USP6NL: variants seen among roughly 807,000 people sequenced by gnomAD.
The protein encoded by USP6NL is USP6 N-terminal-like protein.
USP6NL carries 26 observed loss-of-function variants against 61.9 expected under a neutral mutation model. That is an observed-to-expected ratio of 0.42 (90% CI 0.31 to 0.58). USP6NL has a LOEUF of 0.58. Among genes scored for constraint, USP6NL ranks in the 20% least tolerant of loss-of-function variants. The probability of loss-of-function intolerance (pLI) is 0.16; values close to 1 mark genes in which losing one functional copy is unlikely to be tolerated. For missense variants in USP6NL, 1,114 were observed against 1,034.3 expected, an observed-to-expected ratio of 1.08 and a Z score of -1.06; for synonymous variants, 432 against 390.1, an observed-to-expected ratio of 1.11 and a Z score of -1.27.
At position 11,510,873 on chromosome 10, in the gene USP6NL, C is replaced by T. The variant is rs1008788385; in HGVS notation, c.196-1198G>A. On this transcript the variant is annotated intron_variant, in intron 5 of 14. Transcript: ENST00000609104. The surrounding 1 kb of genome is among the most constrained non-coding windows in gnomAD (Gnocchi z 4.8). ...ATTCAAAGCCAGGCAAGCCTGGCTCCAGGACGTACACTCTGAGCCACCACA... is the reference window on the plus strand; with the variant it reads ...ATTCAAAGCCAGGCAAGCCTGGCTCTAGGACGTACACTCTGAGCCACCACA... Among the ~76,000 whole-genome samples the T allele has an allele frequency of 2.6e-5, 4 of 152,218 alleles. No homozygotes were observed. Among genetic ancestry groups the T allele is most frequent in the African/African-American group, 9.6e-5 (4 of 41,462 alleles).
At chr10:11,569,049 G>A (rs145263612) in intron 2 of USP6NL, among the ~76,000 whole-genome samples, 1,576 of 152,274 alleles carry the variant, frequency 0.01, 13 homozygotes, top group Non-Finnish European at 0.015. Context: ...TCTTGTCATA[G>A]TATCTTCTTT....
intron 10 of USP6NL, among the ~76,000 whole-genome samples, chr10:11,488,184 G>A (rs539336038): frequency 6.6e-6 from 1 of 152,238 alleles, no homozygotes; most frequent in South Asian, 2.1e-4. Flanking sequence ...GGCTGAGGCG[G>A]GAGGTTCACT....
At chr10:11,584,217 A>G (rs972940240) in intron 2 of USP6NL, among the ~76,000 whole-genome samples, 1 of 152,218 alleles carries the variant, frequency 6.6e-6, no homozygotes, top group Non-Finnish European at 1.5e-5. Context: ...CTGTTCCCAA[A>G]CCAAAGCATT....
chr10:11,504,195 T>TA, intron 6 of USP6NL, among the ~76,000 whole-genome samples: 1 of 152,328 alleles, frequency 6.6e-6, no homozygotes, highest in East Asian at 1.9e-4. Context: ...CTTGTACTGT[T>TA]ACATGACAGA....
chr10:11,600,443 G>A lies in USP6NL; in HGVS notation c.-83-2726C>T, dbSNP rs17150617. Among the ~76,000 whole-genome samples, 1,345 of 152,290 alleles carry A rather than the reference G, an allele frequency of 8.8e-3. 19 individuals carry two copies. Among genetic ancestry groups the A allele is most frequent in the African/African-American group, 0.03 (1,262 of 41,546 alleles). ...GCCAAACCCAGCCAAACTCAACAGAGAGCGCAGACCAGTGAGCTAGAAAGA... is the reference window on the plus strand; with the variant it reads ...GCCAAACCCAGCCAAACTCAACAGAAAGCGCAGACCAGTGAGCTAGAAAGA... On this transcript the variant is annotated intron_variant, in intron 1 of 14. Transcript: ENST00000609104. This position sits in a 1 kb window ranked among gnomAD's most constrained non-coding sequence, Gnocchi z 4.1.
intron 2 of USP6NL, among the ~76,000 whole-genome samples, chr10:11,538,398 T>A (rs1253490000): frequency 6.6e-6 from 1 of 152,246 alleles, no homozygotes; most frequent in African/African-American, 2.4e-5. Context: ...ACTGAATATA[T>A]GTATTACATG....
At chr10:11,464,302 G>A (rs565377795) in intron 14 of USP6NL, among the ~76,000 whole-genome samples, 13 of 152,318 alleles carry the variant, frequency 8.5e-5, no homozygotes, top group African/African-American at 2.6e-4. Context: ...CTTTAATGGT[G>A]GCCGGGATTT....
In USP6NL at chr10:11,511,279, C is replaced by T. The variant is rs1397335657; in HGVS notation, c.196-1604G>A. The stretch of plus-strand genomic sequence containing the variant: ...TTTTCAAAAGGCTAAGTATATTTTC[C>T]TCATTATATTATTAGTGATAAACTG... On this transcript the variant is annotated intron_variant, in intron 5 of 14. Coordinates refer to ENST00000609104, the MANE Select transcript of USP6NL (RefSeq NM_014688.5). This position sits in a 1 kb window ranked among gnomAD's most constrained non-coding sequence, Gnocchi z 4.9. Among the ~76,000 whole-genome samples the T allele has an allele frequency of 6.6e-6, 1 of 152,030 alleles. No individual in the cohort carries two copies. The highest frequency in any genetic ancestry group is 1.5e-5 in the Non-Finnish European group (1 of 67,996).
chr10:11,542,348 C>A (rs913694115), intron 2 of USP6NL, among the ~76,000 whole-genome samples: 5 of 152,088 alleles, frequency 3.3e-5, no homozygotes, highest in Admixed American at 6.5e-5. Context: ...TTAAATGCTA[C>A]AAAAAAGCTG....
chr10:11,555,415 T>TAAAAAAAAAA lies in USP6NL; in HGVS notation c.5-27858_5-27849dup, dbSNP rs558901276. 4.4e-3 allele frequency among the ~76,000 whole-genome samples: 117 copies of TAAAAAAAAAA among 26,832 alleles called. 4 individuals carry two copies. Among genetic ancestry groups the TAAAAAAAAAA allele is most frequent in the East Asian group, 9.2e-3 (8 of 866 alleles). The allele number at this position is 26,832 out of a possible 152,430, so 17.6% of individuals were successfully genotyped here. ...GGGCAACAAGAGTGAAACTCGGTCT[T>TAAAAAAAAAA]AAAAAAAAAAAAAAAAAAATATATA... On this transcript the variant is annotated intron_variant, in intron 2 of 14. Coordinates refer to ENST00000609104, the MANE Select transcript of USP6NL (RefSeq NM_014688.5).
At chr10:11,469,966 C>T (rs1431119267) in intron 14 of USP6NL, among the ~76,000 whole-genome samples, 2 of 152,226 alleles carry the variant, frequency 1.3e-5, no homozygotes, top group East Asian at 3.8e-4. Context: ...CCACAGCTGC[C>T]TAACACCTCT....
At position 11,574,143 on chromosome 10, in the gene USP6NL, C is replaced by T. The variant is rs1405310537; in HGVS notation, c.4+23488G>A. Among the ~76,000 whole-genome samples the T allele has an allele frequency of 6.6e-6, 1 of 152,250 alleles. No homozygotes were observed. Among genetic ancestry groups the T allele is most frequent in the South Asian group, 2.1e-4 (1 of 4,830 alleles). ...AGTCAACCAAAATACCCTGCACTGT[C>T]GAAAGCCTTAATACTTTTTTCCAAT... On this transcript the variant is annotated intron_variant, in intron 2 of 14. Transcript: ENST00000609104. This position sits in a 1 kb window ranked among gnomAD's most constrained non-coding sequence, Gnocchi z 4.3.
At position 11,597,000 on chromosome 10, in the gene USP6NL, A is replaced by G. The variant is rs1404396670; in HGVS notation, c.4+631T>C. Among the ~76,000 whole-genome samples the G allele has an allele frequency of 6.6e-6, 1 of 152,164 alleles. No individual in the cohort carries two copies. The highest frequency in any genetic ancestry group is 1.5e-5 in the Non-Finnish European group (1 of 68,008). ...ATACTTCAAATCTCCATATAATCCC[A>G]GTTAGGGTAAAATCTCAATTCTTTT... On this transcript the variant is annotated intron_variant, in intron 2 of 14. Transcript: ENST00000609104. The surrounding 1 kb of genome is among the most constrained non-coding windows in gnomAD (Gnocchi z 4.1).
intron 2 of USP6NL, among the ~76,000 whole-genome samples, chr10:11,531,204 C>T (rs1289497919): frequency 2.6e-5 from 4 of 151,950 alleles, no homozygotes; most frequent in African/African-American, 4.8e-5. Context: ...CCACTTGTTG[C>T]CAAAATATTA....
At position 11,487,882 on chromosome 10, in the gene USP6NL, T is replaced by C. The variant is rs975284616; in HGVS notation, c.664+1220A>G. On this transcript the variant is annotated intron_variant, in intron 10 of 14. Transcript: ENST00000609104. The surrounding 1 kb of genome is among the most constrained non-coding windows in gnomAD (Gnocchi z 4.2). ...TTCACAAACAATGGGCTATAGAAAG[T>C]CATAATTTTGAAAATATTAAAACAG... Among the ~76,000 whole-genome samples the C allele has an allele frequency of 1.3e-5, 2 of 152,166 alleles. No homozygotes were observed. Among genetic ancestry groups the C allele is most frequent in the African/African-American group, 4.8e-5 (2 of 41,414 alleles).
In USP6NL at chr10:11,490,897, A is replaced by G. The variant is rs1046256798; in HGVS notation, c.495-17T>C. ...GATTGTTGCCTAGAGAAAAAAATTTACATTAAATACAATTTAGTAATTTCA... is the reference window on the plus strand; with the variant it reads ...GATTGTTGCCTAGAGAAAAAAATTTGCATTAAATACAATTTAGTAATTTCA... On this transcript the variant is annotated splice_polypyrimidine_tract_variant and intron_variant, in intron 8 of 14. Transcript: ENST00000609104. This position sits in a 1 kb window ranked among gnomAD's most constrained non-coding sequence, Gnocchi z 4.5. 1.8e-5 allele frequency: 28 copies of G among 1,523,060 alleles called. No homozygotes were observed. The highest frequency in any genetic ancestry group is 2.5e-5 in the Non-Finnish European group (28 of 1,137,078). 94.3% of individuals were successfully genotyped at this position (1,523,060 alleles called of 1,614,324 possible).
At chr10:11,519,287 T>C (rs1835103205) in intron 4 of USP6NL, among the ~76,000 whole-genome samples, 1 of 152,206 alleles carries the variant, frequency 6.6e-6, no homozygotes, top group Non-Finnish European at 1.5e-5. Flanking sequence ...AGGAAAAAAC[T>C]GCCTCCAACA....
At chr10:11,531,982 G>A (rs1037216198) in intron 2 of USP6NL, among the ~76,000 whole-genome samples, 3 of 152,112 alleles carry the variant, frequency 2.0e-5, no homozygotes, top group African/African-American at 7.2e-5. Context: ...GTACCCTCCT[G>A]AATTATATGC....
chr10:11,519,858 A>G (rs565756574), intron 4 of USP6NL, among the ~76,000 whole-genome samples: 129 of 152,346 alleles, frequency 8.5e-4, no homozygotes, highest in African/African-American at 3.0e-3. Context: ...CTTTCTCAGT[A>G]GTACTGTTTT....
Sources: gnomAD v4.1 joint callset for allele counts (sites outside exome capture counted in the v4.1 genomes callset) on GRCh38, gnomAD v4.1.1 for gene constraint, Gnocchi (gnomAD v3.1) non-coding constraint, MANE v1.5 for transcripts, NCBI Gene and HGNC (gene_info 2026-07-23, HGNC 2026-07-21) for gene names.